The following PLPP4 variants were observed in gnomAD, a reference collection of about 807,000 sequenced individuals.
PLPP4 encodes diacylglycerol pyrophosphate like 2.
Under a neutral mutation model 32.2 loss-of-function variants are expected in PLPP4, and 20 were observed. That is an observed-to-expected ratio of 0.62 (90% CI 0.44 to 0.90). The LOEUF is 0.90. PLPP4 is among the 40% of genes least tolerant of loss of function. The pLI, the probability that PLPP4 is intolerant of heterozygous loss-of-function variation, is 0.00. For missense variants in PLPP4, 257 were observed against 353.1 expected (o/e 0.73, Z 2.18); for synonymous variants, 127 against 133.0 (o/e 0.95, Z 0.31).
chr10:120,471,227 T>G (rs575102197), intron 1 of PLPP4, among the ~76,000 whole-genome samples: 2 of 152,312 alleles, frequency 1.3e-5, no homozygotes, highest in African/African-American at 4.8e-5. Context: ...CAAGAATAAT[T>G]AAAGCCTTCA....
rs1554899936 is a variant in PLPP4 at position 120,580,678 on chromosome 10, C to CACACACACACACACACACAA, written c.616+5379_616+5380insACACACACACACACACAAAC. ...ACACACACACACACACACACACACACACGGCTGAGGGACATACACTGTTAT... is the reference window on the plus strand; with the variant it reads ...ACACACACACACACACACACACACACACACACACACACACACACAAACGGCTGAGGGACATACACTGTTAT... On this transcript the variant is annotated intron_variant, in intron 6 of 6. Transcript: ENST00000398250. Among the ~76,000 whole-genome samples, 546 of 137,980 alleles carry CACACACACACACACACACAA rather than the reference C, an allele frequency of 4.0e-3. 7 individuals carry two copies. The highest frequency in any genetic ancestry group is 0.011 in the East Asian group (54 of 4,802). The allele number at this position is 137,980 out of a possible 152,430, so 90.5% of individuals were successfully genotyped here. A position where few individuals can be genotyped will look rare whatever the true frequency, so the allele number is the denominator to read the frequency against.
rs183247959 is a variant in PLPP4 at position 120,516,596 on chromosome 10, G to A, written c.257-2237G>A. Reference sequence around the variant, plus strand: ...CCTGAGTACAGGCTGCTTACAAGCCGACTCACGGGACATGTTGCTTTGAGA... The same window carrying A: ...CCTGAGTACAGGCTGCTTACAAGCCAACTCACGGGACATGTTGCTTTGAGA... On this transcript the variant is annotated intron_variant, in intron 3 of 6. Coordinates refer to ENST00000398250, the MANE Select transcript of PLPP4 (RefSeq NM_001030059.3). 2.3e-3 allele frequency among the ~76,000 whole-genome samples: 347 copies of A among 152,322 alleles called. 1 individual carries two copies. The highest frequency in any genetic ancestry group is 7.9e-3 in the African/African-American group (327 of 41,554).
intron 6 of PLPP4, among the ~76,000 whole-genome samples, chr10:120,577,432 G>C (rs1458015751): frequency 6.6e-6 from 1 of 152,182 alleles, no homozygotes; most frequent in East Asian, 1.9e-4. Context: ...AACATGGCCA[G>C]AGTAAAGGAA....
chr10:120,504,351 C>T (rs567180137), intron 2 of PLPP4, among the ~76,000 whole-genome samples: 93 of 152,304 alleles, frequency 6.1e-4, no homozygotes, highest in African/African-American at 2.1e-3. Context: ...AACTAATACC[C>T]GATTGGCTAA....
rs376473570 is a variant in PLPP4, at chr10:120,527,174, T to C, written c.445+6079T>C. ...TCTTAGCAATCAATCAATTGATTGA[T>C]TTATTTTAGGGAATTGGTTCATGAA... On this transcript the variant is annotated intron_variant, in intron 5 of 6. Coordinates refer to ENST00000398250, the MANE Select transcript of PLPP4 (RefSeq NM_001030059.3). Among the ~76,000 whole-genome samples the C allele has an allele frequency of 8.5e-5, 13 of 152,286 alleles. No individual in the cohort carries two copies. In the South Asian group the frequency reaches 2.7e-3, roughly 32 times the overall value.
At chr10:120,549,440 C>A (rs1035740208) in intron 5 of PLPP4, among the ~76,000 whole-genome samples, 1 of 151,336 alleles carries the variant, frequency 6.6e-6, no homozygotes, top group Admixed American at 6.6e-5. Context: ...TAAGGAAGAA[C>A]AAATGTTAAC....
intron 6 of PLPP4, 141 bp downstream of exon 6, chr10:120,575,442 A>C (rs1849177758): frequency 1.1e-6 from 1 of 908,140 alleles, no homozygotes; most frequent in South Asian, 1.8e-5. Flanking sequence ...AGAGCGGATA[A>C]AATTTTGAAG....
upstream of PLPP4, chr10:120,457,180 C>A (rs1847814983): frequency 1.7e-6 from 1 of 584,692 alleles, no homozygotes; most frequent in Non-Finnish European, 2.4e-6. Context: ...GCGCCCGCCT[C>A]CGCCCCCGCC....
At chr10:120,559,365 C>A (rs1452427470) in intron 5 of PLPP4, among the ~76,000 whole-genome samples, 3 of 149,464 alleles carry the variant, frequency 2.0e-5, no homozygotes, top group African/African-American at 7.4e-5. Flanking sequence ...ATTTATTTTT[C>A]TTTCGTGGAT....
chr10:120,541,170 G>A (rs1847324275), intron 5 of PLPP4, among the ~76,000 whole-genome samples: 1 of 152,180 alleles, frequency 6.6e-6, no homozygotes, highest in African/African-American at 2.4e-5. Context: ...CTATATTGAT[G>A]AGAGTAGAAT....
intron 1 of PLPP4, among the ~76,000 whole-genome samples, chr10:120,492,109 C>T (rs1844748998): frequency 6.6e-6 from 1 of 152,202 alleles, no homozygotes; most frequent in Non-Finnish European, 1.5e-5. Context: ...ACAGAGTGCT[C>T]TGCCCATTTT....
At chr10:120,559,876 G>A (rs1213046822) in intron 5 of PLPP4, among the ~76,000 whole-genome samples, 1 of 152,160 alleles carries the variant, frequency 6.6e-6, no homozygotes, top group East Asian at 1.9e-4. Context: ...ATCATTCGCA[G>A]TCAATAAACT....
At chr10:120,572,421 A>G (rs1035785601) in intron 5 of PLPP4, among the ~76,000 whole-genome samples, 2 of 152,214 alleles carry the variant, frequency 1.3e-5, no homozygotes, top group African/African-American at 2.4e-5. Context: ...TAAAGTCTCC[A>G]AGTCATTTTT....
At position 120,591,847 on chromosome 10, in the gene PLPP4, T is replaced by G. The variant is rs2901258; in HGVS notation, c.*2345T>G. Among the ~76,000 whole-genome samples the G allele has an allele frequency of 0.99, 150,570 of 152,322 alleles. 74,444 individuals are homozygous for G. Among genetic ancestry groups the G allele is most frequent in the East Asian group, 1 (5,190 of 5,190 alleles). On this transcript the variant is annotated 3_prime_UTR_variant, in exon 7 of 7. Transcript: ENST00000398250. ...CTGATAATTACATGGAAAATCCTAA[T>G]ACTGGCCATGTAAAAGCTTTGATTA...
intron 5 of PLPP4, among the ~76,000 whole-genome samples, chr10:120,533,684 C>A (rs571153213): frequency 6.6e-6 from 1 of 152,186 alleles, no homozygotes; most frequent in African/African-American, 2.4e-5. Flanking sequence ...TTATATATTA[C>A]AAACCCAATA....
At chr10:120,559,872 C>A (rs75970416) in intron 5 of PLPP4, among the ~76,000 whole-genome samples, 24 of 152,128 alleles carry the variant, frequency 1.6e-4, no homozygotes, top group Non-Finnish European at 3.4e-4. Flanking sequence ...TGGCATCATT[C>A]GCAGTCAATA....
intron 5 of PLPP4, among the ~76,000 whole-genome samples, chr10:120,562,420 CT>C (rs1238563141): frequency 1.3e-5 from 2 of 152,074 alleles, no homozygotes; most frequent in African/African-American, 4.8e-5. Flanking sequence ...ATTCCTAACC[CT>C]TTTTATTGAG....
At chr10:120,526,122 T>C (rs1291063456) in intron 5 of PLPP4, among the ~76,000 whole-genome samples, 1 of 152,150 alleles carries the variant, frequency 6.6e-6, no homozygotes, top group South Asian at 2.1e-4. Context: ...AATTTTTATC[T>C]ACTAAAGCTT....
intron 1 of PLPP4, among the ~76,000 whole-genome samples, chr10:120,459,786 G>A (rs543406848): frequency 8.5e-5 from 13 of 152,320 alleles, no homozygotes; most frequent in Middle Eastern, 3.4e-3. Flanking sequence ...AACATCACCT[G>A]TAGATGTGCC....
Sources: allele counts gnomAD v4.1 joint callset (sites outside exome capture counted in the v4.1 genomes callset), GRCh38; gene constraint gnomAD v4.1.1; transcripts MANE v1.5; gene names NCBI Gene and HGNC (gene_info 2026-07-23, HGNC 2026-07-21).